The following GRIK2 variants were observed in gnomAD, a reference collection of about 807,000 sequenced individuals.
GRIK2 encodes the protein glutamate ionotropic receptor kainate type subunit 2.
GRIK2 carries 32 observed loss-of-function variants against 100.3 expected under a neutral mutation model. That is an observed-to-expected ratio of 0.32 (90% CI 0.24 to 0.43). GRIK2 has a LOEUF of 0.43. Among genes scored for constraint, GRIK2 ranks in the 20% least tolerant of loss-of-function variants. The pLI, the probability that GRIK2 is intolerant of heterozygous loss-of-function variation, is 1.00. For missense variants in GRIK2, 843 were observed against 1,114.9 expected (o/e 0.76, Z 3.47); for synonymous variants, 417 against 389.4 (o/e 1.07, Z -0.83).
intron 14 of GRIK2, among the ~76,000 whole-genome samples, chr6:101,980,115 G>A (rs1341499039): frequency 1.3e-5 from 2 of 151,932 alleles, no homozygotes; most frequent in Non-Finnish European, 2.9e-5. Flanking sequence ...GGAAATGAAT[G>A]GATAAGGATC....
chr6:101,415,681 T>C (rs1776110854), intron 2 of GRIK2, among the ~76,000 whole-genome samples: 1 of 152,098 alleles, frequency 6.6e-6, no homozygotes, highest in South Asian at 2.1e-4. Flanking sequence ...TATTTTTCCA[T>C]AACAATTTTT....
In GRIK2 at chr6:101,994,979, A is replaced by G. The variant is rs77310174; in HGVS notation, c.2086-40362A>G. Reference sequence around the variant, plus strand: ...AAATATGTCATTTTAATGATTCACAAGTTGGAAAACTTACCTTGTGAATAT... The same window carrying G: ...AAATATGTCATTTTAATGATTCACAGGTTGGAAAACTTACCTTGTGAATAT... On this transcript the variant is annotated intron_variant, in intron 14 of 16. Transcript: ENST00000369134. Among the ~76,000 whole-genome samples, 777 of 152,080 alleles carry G rather than the reference A, an allele frequency of 5.1e-3. 5 individuals carry two copies. Among genetic ancestry groups the G allele is most frequent in the African/African-American group, 0.018 (737 of 41,548 alleles).
chr6:101,932,827 C>A (rs955068078), intron 14 of GRIK2, among the ~76,000 whole-genome samples: 1 of 151,798 alleles, frequency 6.6e-6, no homozygotes, highest in African/African-American at 2.4e-5. Context: ...TAACATAAAC[C>A]TTTATTTATC....
At chr6:101,714,602 T>G (rs180991817) in intron 7 of GRIK2, among the ~76,000 whole-genome samples, 1 of 151,928 alleles carries the variant, frequency 6.6e-6, no homozygotes, top group Non-Finnish European at 1.5e-5. Context: ...CACACACAAC[T>G]GCTGGTTTGC....
chr6:101,660,033 G>T (rs1247061124), intron 4 of GRIK2, among the ~76,000 whole-genome samples: 1 of 152,078 alleles, frequency 6.6e-6, no homozygotes, highest in Admixed American at 6.6e-5. Flanking sequence ...GCTAGGTTGG[G>T]GAAGTTCTCC....
At chr6:101,920,437 CGT>C (rs1789413898) in intron 12 of GRIK2, among the ~76,000 whole-genome samples, 1 of 151,846 alleles carries the variant, frequency 6.6e-6, no homozygotes, top group Non-Finnish European at 1.5e-5. Flanking sequence ...TGCTTCTAAT[CGT>C]ATGTCAGTGG....
At chr6:101,912,517 G>A (rs899570889) in intron 12 of GRIK2, among the ~76,000 whole-genome samples, 3 of 151,442 alleles carry the variant, frequency 2.0e-5, no homozygotes, top group African/African-American at 7.3e-5. Context: ...GCTGAATAAT[G>A]GCTAAGACTC....
chr6:101,481,068 A>T (rs1215720344), intron 2 of GRIK2, among the ~76,000 whole-genome samples: 1 of 152,154 alleles, frequency 6.6e-6, no homozygotes, highest in Non-Finnish European at 1.5e-5. Context: ...TGTGGTCCTG[A>T]CTGATTTTAC....
chr6:101,759,809 G>A (rs1777372326), intron 7 of GRIK2, among the ~76,000 whole-genome samples: 1 of 150,912 alleles, frequency 6.6e-6, no homozygotes, highest in Admixed American at 6.6e-5. Context: ...AATAAAAAAA[G>A]GTTTCTTTAA....
chr6:101,873,171 G>A (rs1392081375), intron 11 of GRIK2, among the ~76,000 whole-genome samples: 1 of 151,890 alleles, frequency 6.6e-6, no homozygotes, highest in Non-Finnish European at 1.5e-5. Context: ...ATGTATACAT[G>A]TGCCACGTTG....
intron 7 of GRIK2, among the ~76,000 whole-genome samples, chr6:101,747,624 G>A (rs937194762): frequency 6.6e-6 from 1 of 151,962 alleles, no homozygotes; most frequent in African/African-American, 2.4e-5. Flanking sequence ...AATTTATTGA[G>A]TCAATATTAA....
At chr6:101,944,398 T>C (rs1040719629) in intron 14 of GRIK2, among the ~76,000 whole-genome samples, 6 of 152,210 alleles carry the variant, frequency 3.9e-5, no homozygotes, top group African/African-American at 1.4e-4. Context: ...CAGTTGTTAA[T>C]ATTATTTAGT....
At chr6:102,012,676 T>C (rs1188489652) in intron 14 of GRIK2, among the ~76,000 whole-genome samples, 1 of 152,164 alleles carries the variant, frequency 6.6e-6, no homozygotes, top group Admixed American at 6.5e-5. Flanking sequence ...AAAGTAACTA[T>C]CATTTGTATA....
chr6:101,859,314 T>G lies in GRIK2; in HGVS notation c.1345T>G (p.Ser449Ala). ...AGAGCCTTATGTCCTTTTTAAGAAG[T>G]CTGACAAACCTCTCTATGGTAATGA... ...LEEPYVLFKKSDKPLYGNDRF... is the reference protein window; with the variant it reads ...LEEPYVLFKKADKPLYGNDRF... The change falls in exon 11 of 17, where the codon TCT becomes GCT. Residue 449 changes from serine to alanine, a missense_variant. Around this residue, in one of 3 missense-constraint regions of GRIK2, gnomAD observed 519 missense variants for 643.8 expected, o/e 0.81. Transcript: ENST00000369134. 1 of 1,599,954 alleles carries G rather than the reference T, an allele frequency of 6.3e-7. No homozygotes were observed. Among genetic ancestry groups the G allele is most frequent in the Non-Finnish European group, 8.6e-7 (1 of 1,167,466 alleles).
intron 7 of GRIK2, among the ~76,000 whole-genome samples, chr6:101,724,927 G>T (rs1056913570): frequency 6.6e-6 from 1 of 151,932 alleles, no homozygotes; most frequent in Non-Finnish European, 1.5e-5. Context: ...TCTCACTGAA[G>T]GACTCCTGTG....
chr6:101,874,939 A>T (rs1785715215), intron 11 of GRIK2, among the ~76,000 whole-genome samples: 1 of 152,078 alleles, frequency 6.6e-6, no homozygotes, highest in Admixed American at 6.6e-5. Context: ...ATTTTTGCAC[A>T]TTGATTTTGT....
At chr6:102,063,086 G>A (rs1366181119) in intron 16 of GRIK2, among the ~76,000 whole-genome samples, 2 of 150,370 alleles carry the variant, frequency 1.3e-5, no homozygotes, top group African/African-American at 2.4e-5. Context: ...TAATTTAAAT[G>A]ACAAACACAA....
chr6:102,014,444 G>T (rs1441369873), intron 14 of GRIK2, among the ~76,000 whole-genome samples: 2 of 151,652 alleles, frequency 1.3e-5, no homozygotes, highest in Non-Finnish European at 2.9e-5. Flanking sequence ...GTTTCTTTCA[G>T]TGCAGGTCTG....
At chr6:101,898,828 GT>G (rs1313174631) in intron 12 of GRIK2, among the ~76,000 whole-genome samples, 1 of 151,898 alleles carries the variant, frequency 6.6e-6, no homozygotes, top group African/African-American at 2.4e-5. Flanking sequence ...AAATATCAAT[GT>G]TAAATAATAA....
Sources: gnomAD v4.1 joint callset for allele counts (sites outside exome capture counted in the v4.1 genomes callset) on GRCh38, gnomAD v4.1.1 for gene constraint, gnomAD v4.1.1 regional missense constraint, MANE v1.5 for transcripts, NCBI Gene and HGNC (gene_info 2026-07-23, HGNC 2026-07-21) for gene names.